The following GOLGA6L9 variants were observed in gnomAD, a reference collection of about 807,000 sequenced individuals.
GOLGA6L9 encodes golgin A6 family like 9.
A neutral mutation model predicts 51.3 loss-of-function variants in GOLGA6L9; 19 were observed. That is an observed-to-expected ratio of 0.37 (90% CI 0.26 to 0.54). The LOEUF (loss-of-function observed/expected upper bound fraction) is 0.54, where lower values mean the gene tolerates loss of function less well. Ranked by LOEUF, GOLGA6L9 falls within the 20% of genes least tolerant of loss-of-function variation. The pLI is 0.83. For synonymous variants in GOLGA6L9, 97 were observed against 184.2 expected, an observed-to-expected ratio of 0.53 and a Z score of 3.83; for missense variants, 247 against 464.1, an observed-to-expected ratio of 0.53 and a Z score of 4.30.
In GOLGA6L9 at chr15:82,436,375, T is replaced by C; in HGVS notation, c.1263T>C (p.Ala421=). 6.3e-7 allele frequency: 1 copy of C among 1,596,528 alleles called. No homozygotes were observed. The highest frequency in any genetic ancestry group is 1.3e-5 in the African/African-American group (1 of 74,484). The change falls in exon 9 of 9, where the codon GCT becomes GCC. Residue 421 remains alanine (A), a synonymous_variant. Transcript: ENST00000618348. ...AGGCTGCATGCCATTCTTTTCGGGC[T>C]GCCGAGAACAGGGAGCTAAACATCA... ...AGEAACHSFR[A]AENRELNITI...
At chr15:82,418,875 A>G in the GOLGA6L9 span, 3 of 152,238 alleles carry the variant, frequency 2.0e-5, no homozygotes, top group African/African-American at 7.2e-5. Context: ...AGAACACTCA[A>G]ATGCCATTTA....
Position 82,436,621 on chromosome 15 carries a change from A to C in GOLGA6L9, c.*210A>C. On this transcript the variant is annotated 3_prime_UTR_variant, in exon 9 of 9. Transcript: ENST00000618348. ...ATTTGTGTTTCTAATTTATAGTTTA[A>C]ATTTATTTTTGTTTCTAATTTATAA... is the stretch of plus-strand genomic sequence containing the variant. 1 of 504,218 alleles carries C rather than the reference A, an allele frequency of 2.0e-6. No individual in the cohort carries two copies. The highest frequency in any genetic ancestry group is 3.1e-6 in the Non-Finnish European group (1 of 321,550). 31.2% of individuals were successfully genotyped at this position (504,218 alleles called of 1,614,324 possible).
In GOLGA6L9 at chr15:82,434,200, G is replaced by C. The variant is rs1319183423; in HGVS notation, c.600G>C (p.Arg200Ser). 3.2e-6 allele frequency: 5 copies of C among 1,557,882 alleles called. No homozygotes were observed. Among genetic ancestry groups the C allele is most frequent in the Non-Finnish European group, 4.3e-6 (5 of 1,159,338 alleles). Residue 200 changes from arginine (R) to serine (S), a missense_variant, in exon 6 of 9, where the codon AGG (arginine) becomes AGC (serine). Physicochemically the swap from Arg to Ser is moderately radical, Grantham distance 110. Coordinates refer to ENST00000618348, the MANE Select transcript of GOLGA6L9 (RefSeq NM_198181.4). ...LSLLNRRQEE[R>S]LREQEERLRE... is the part of the protein sequence containing the mutation. The stretch of plus-strand genomic sequence containing the variant: ...TCCTGAACAGGAGACAGGAGGAGAG[G>C]CTACGTGAACAGGAGGAGAGGCTAC...
Position 82,436,446 on chromosome 15 carries a change from C to T in GOLGA6L9, c.*35C>T, listed in dbSNP as rs2031679646. The T allele has an allele frequency of 1.5e-5, 22 of 1,471,892 alleles. 1 individual carries two copies. The highest frequency in any genetic ancestry group is 1.9e-5 in the Non-Finnish European group (20 of 1,075,902). 91.2% of individuals were successfully genotyped at this position (1,471,892 alleles called of 1,614,324 possible). On this transcript the variant is annotated 3_prime_UTR_variant, in exon 9 of 9. Transcript: ENST00000618348. ...AAGAAATTGAAAAAAAAAAACAAAA[C>T]ATTTAAGGGGTTAATATCCTACACA...
the GOLGA6L9 span, among the ~76,000 whole-genome samples, chr15:82,417,207 AT>A: frequency 2.6e-5 from 4 of 152,086 alleles, no homozygotes; most frequent in African/African-American, 9.7e-5. Context: ...TGACAACTGA[AT>A]TTTTTTTAAG....
the GOLGA6L9 span, among the ~76,000 whole-genome samples, chr15:82,417,672 G>C: frequency 2.9e-3 from 446 of 152,316 alleles, 4 homozygotes; most frequent in African/African-American, 0.01. Context: ...TTGGATAATG[G>C]GTGACAATGT....
rs1316903181 is a variant in GOLGA6L9 at position 82,429,838 on chromosome 15, G to A, written c.-242G>A. On this transcript the variant is annotated 5_prime_UTR_variant, in exon 1 of 9. Coordinates refer to ENST00000618348, the MANE Select transcript of GOLGA6L9 (RefSeq NM_198181.4). ...CGGCCTCTCCCCTCTCTCTGAGTGG[G>A]CGGGGACAGCGGTTGCATGGGCAGC... Among the ~76,000 whole-genome samples, 3 of 152,110 alleles carry A rather than the reference G, an allele frequency of 2.0e-5. No homozygotes were observed. The highest frequency in any genetic ancestry group is 4.4e-5 in the Non-Finnish European group (3 of 68,030).
At chr15:82,433,764 A>G in intron 5 of GOLGA6L9, 115 bp downstream of exon 5, 1 of 580,736 alleles carries the variant, frequency 1.7e-6, no homozygotes, top group Non-Finnish European at 2.9e-6. Flanking sequence ...AGAGGGAAAG[A>G]GGTCTGTGCC....
the GOLGA6L9 span, chr15:82,419,295 T>G: frequency 5.8e-6 from 1 of 173,762 alleles, no homozygotes; most frequent in African/African-American, 2.4e-5. Flanking sequence ...ATAGAGTGTT[T>G]TGATTATGTA....
At chr15:82,416,537 A>G in the GOLGA6L9 span, among the ~76,000 whole-genome samples, 1 of 152,192 alleles carries the variant, frequency 6.6e-6, no homozygotes, top group Non-Finnish European at 1.5e-5. Flanking sequence ...AGGAGAACCT[A>G]CATTGGTGTG....
At chr15:82,432,498 G>A in intron 2 of GOLGA6L9, 74 bp from the exon 3 acceptor site, 1 of 1,565,394 alleles carries the variant, frequency 6.4e-7, no homozygotes, top group Non-Finnish European at 8.6e-7. Context: ...GTTGATGGGG[G>A]AAGAAAGGAA....
At chr15:82,431,567 T>C in intron 1 of GOLGA6L9, 1 of 279,216 alleles carries the variant, frequency 3.6e-6, no homozygotes, top group South Asian at 3.8e-5. Flanking sequence ...TGGAAGCTGC[T>C]GATTCATGGC....
chr15:82,429,170 G>C (rs1467590271), upstream of GOLGA6L9, among the ~76,000 whole-genome samples: 4 of 151,444 alleles, frequency 2.6e-5, no homozygotes, highest in African/African-American at 9.7e-5. Flanking sequence ...CATCTCCTGG[G>C]TTCAAGTGAT....
Position 82,434,363 on chromosome 15 carries a change from C to A in GOLGA6L9, c.763C>A (p.Leu255Met). ...GAGGCTGCTGGAAGAGGTGGAGAAG[C>A]TGTTAGAACAGGAGAGGCGGCAGGA... The part of the protein sequence containing the change: ...QERLLEEVEK[L>M]LEQERRQEEQ... Residue 255 changes from leucine to methionine, a missense_variant, in exon 6 of 9, where the codon CTG (leucine) becomes ATG (methionine). Physicochemically the swap from Leu to Met is conservative, Grantham distance 15. Transcript: ENST00000618348. 6.6e-7 allele frequency: 1 copy of A among 1,520,280 alleles called. No individual in the cohort carries two copies. Among genetic ancestry groups the A allele is most frequent in the Non-Finnish European group, 8.8e-7 (1 of 1,133,638 alleles). 94.2% of individuals were successfully genotyped at this position (1,520,280 alleles called of 1,614,324 possible).
the GOLGA6L9 span, chr15:82,416,051 T>A: frequency 6.6e-6 from 1 of 152,200 alleles, no homozygotes; most frequent in Non-Finnish European, 1.5e-5. Flanking sequence ...GATTTAAAGC[T>A]GCAAAGAGTT....
chr15:82,433,108 A>T (rs1192714477), intron 4 of GOLGA6L9, among the ~76,000 whole-genome samples: 1 of 151,030 alleles, frequency 6.6e-6, no homozygotes, highest in Non-Finnish European at 1.5e-5. Flanking sequence ...TCTTCTCCAG[A>T]CACCCCTGCT....
At chr15:82,417,738 A>G in the GOLGA6L9 span, among the ~76,000 whole-genome samples, 2,623 of 152,310 alleles carry the variant, frequency 0.017, 34 homozygotes, top group Non-Finnish European at 0.029. Context: ...AGCATCTCCA[A>G]AATTTGAAGA....
chr15:82,432,583 T>C lies in GOLGA6L9; in HGVS notation c.216T>C (p.Gly72=). ...CTCATCTCTTGGAGTCAGCAACAGGTATCTACGGGGAGGGCCGTGCATCCT... is the reference window on the plus strand; with the variant it reads ...CTCATCTCTTGGAGTCAGCAACAGGCATCTACGGGGAGGGCCGTGCATCCT... ...GYHSPGDSAT[G]IYGEGRASST... Residue 72 remains glycine, a synonymous_variant, in exon 3 of 9, where the codon GGT becomes GGC. Coordinates refer to ENST00000618348, the MANE Select transcript of GOLGA6L9 (RefSeq NM_198181.4). 1 of 1,603,414 alleles carries C rather than the reference T, an allele frequency of 6.2e-7. No individual in the cohort carries two copies. The highest frequency in any genetic ancestry group is 2.2e-5 in the East Asian group (1 of 44,846).
rs1212827726 is a variant in GOLGA6L9 at position 82,432,792 on chromosome 15, C to T, written c.265-25C>T. Reference sequence around the variant, plus strand: ...ACCCCTCCCCACAATCTTTCTCCAACTCCTTCTCTCTGCATGCACCTCAGA... The same window carrying T: ...ACCCCTCCCCACAATCTTTCTCCAATTCCTTCTCTCTGCATGCACCTCAGA... On this transcript the variant is annotated intron_variant, in intron 3 of 8. Transcript: ENST00000618348. The T allele has an allele frequency of 9.7e-5, 155 of 1,593,870 alleles. 2 individuals carry two copies. The highest frequency in any genetic ancestry group is 6.4e-4 in the Middle Eastern group (3 of 4,690).
Sources: allele counts gnomAD v4.1 joint callset (sites outside exome capture counted in the v4.1 genomes callset), GRCh38; gene constraint gnomAD v4.1.1; transcripts MANE v1.5; gene names NCBI Gene and HGNC (gene_info 2026-07-23, HGNC 2026-07-21).